Variants in TNFRSF11A observed in about 807,000 individuals in gnomAD.
TNFRSF11A encodes TNF receptor superfamily member 11a, also known as tumor necrosis factor receptor superfamily member 11A.
TNFRSF11A carries 32 observed loss-of-function variants against 55.7 expected under a neutral mutation model. That is an observed-to-expected ratio of 0.57 (90% CI 0.43 to 0.77). The LOEUF is 0.77. Among genes scored for constraint, TNFRSF11A ranks in the 30% least tolerant of loss-of-function variants. The pLI is 0.00. For synonymous variants in TNFRSF11A, 311 were observed against 331.0 expected (o/e 0.94, Z 0.65); for missense variants, 753 against 809.8 (o/e 0.93, Z 0.85).
intron 6 of TNFRSF11A, 123 bp downstream of exon 6, chr18:62,360,172 T>C: frequency 2.7e-6 from 2 of 728,984 alleles, no homozygotes; most frequent in Non-Finnish European, 5.0e-6. Flanking sequence ...ATCCCGTGCA[T>C]GGTCAGCTGA....
At position 62,354,506 on chromosome 18, in the gene TNFRSF11A, C is replaced by T. The variant is rs1302430563; in HGVS notation, c.399C>T (p.Cys133=). The T allele has an allele frequency of 1.2e-6, 2 of 1,602,448 alleles. No homozygotes were observed. Among genetic ancestry groups the T allele is most frequent in the African/African-American group, 1.3e-5 (1 of 75,020 alleles). The change falls in exon 4 of 10, where the codon TGC becomes TGT. Residue 133 remains cysteine, a synonymous_variant. Coordinates refer to ENST00000586569, the MANE Select transcript of TNFRSF11A (RefSeq NM_003839.4). ...DCECCRRNTE[C]APGLGAQHPL... is the part of the protein sequence containing the mutation. The stretch of plus-strand genomic sequence containing the variant: ...AGTGCTGCCGCCGCAACACCGAGTG[C>T]GCGCCGGGCCTGGGCGCCCAGCACC...
intron 1 of TNFRSF11A, among the ~76,000 whole-genome samples, chr18:62,347,470 G>A (rs775286428): frequency 2.1e-4 from 32 of 152,298 alleles, no homozygotes; most frequent in African/African-American, 5.5e-4. Context: ...GAATCATACC[G>A]TTTTGAACCA....
rs201635635 is a variant in TNFRSF11A, at chr18:62,368,997, A to T, written c.1080A>T (p.Leu360Phe). The T allele has an allele frequency of 1.2e-6, 2 of 1,614,240 alleles. No homozygotes were observed. The highest frequency in any genetic ancestry group is 1.3e-5 in the African/African-American group (1 of 75,056). The change falls in exon 9 of 10, where the codon TTA becomes TTT. Residue 360 changes from leucine to phenylalanine, a missense_variant. Physicochemically the swap from Leu to Phe is conservative, Grantham distance 22 (BLOSUM62 0). Coordinates refer to ENST00000586569, the MANE Select transcript of TNFRSF11A (RefSeq NM_003839.4). The stretch of plus-strand genomic sequence containing the variant: ...GGCCCTCCCAGCCCACAGACCAGTT[A>T]CTGTTCCTCACTGAGCCTGGAAGCA... ...MDRPSQPTDQ[L>F]LFLTEPGSKS...
At chr18:62,338,255 C>A (rs941830446) in intron 1 of TNFRSF11A, among the ~76,000 whole-genome samples, 1 of 152,166 alleles carries the variant, frequency 6.6e-6, no homozygotes, top group South Asian at 2.1e-4. Context: ...GCCACCCCTG[C>A]GGAAAACAGT....
chr18:62,368,929 G>C lies in TNFRSF11A; in HGVS notation c.1012G>C (p.Asp338His). Reference protein sequence around the residue: ...SLVSKTEIEEDSFRQMPTEDE... With the variant: ...SLVSKTEIEEHSFRQMPTEDE... Reference sequence around the variant, plus strand: ...GGTCAGCAAGACCGAGATAGAGGAAGACAGCTTCAGACAGATGCCCACAGA... The same window carrying C: ...GGTCAGCAAGACCGAGATAGAGGAACACAGCTTCAGACAGATGCCCACAGA... Residue 338 changes from aspartate to histidine, a missense_variant, in exon 9 of 10, where the codon GAC becomes CAC. Coordinates refer to ENST00000586569, the MANE Select transcript of TNFRSF11A (RefSeq NM_003839.4). 1 of 1,614,252 alleles carries C rather than the reference G, an allele frequency of 6.2e-7. No homozygotes were observed. The highest frequency in any genetic ancestry group is 1.1e-5 in the South Asian group (1 of 91,086).
intron 6 of TNFRSF11A, among the ~76,000 whole-genome samples, chr18:62,361,226 T>C (rs1048052523): frequency 2.0e-5 from 3 of 152,180 alleles, no homozygotes; most frequent in African/African-American, 7.2e-5. Flanking sequence ...GGATGAAAAC[T>C]ACAGAAATAT....
intron 5 of TNFRSF11A, among the ~76,000 whole-genome samples, 196 bp from the exon 6 acceptor site, chr18:62,359,759 C>T (rs1000872705): frequency 2.0e-5 from 3 of 152,194 alleles, no homozygotes; most frequent in Non-Finnish European, 4.4e-5. Flanking sequence ...ACACAGGCAG[C>T]GTTTGCTTTT....
At chr18:62,337,552 C>G (rs1236956554) in intron 1 of TNFRSF11A, among the ~76,000 whole-genome samples, 1 of 152,202 alleles carries the variant, frequency 6.6e-6, no homozygotes, top group Non-Finnish European at 1.5e-5. Flanking sequence ...CATGCTTCCT[C>G]CAAGGGCCTT....
At chr18:62,382,171 C>T (rs1911341069) in intron 9 of TNFRSF11A, among the ~76,000 whole-genome samples, 1 of 128,436 alleles carries the variant, frequency 7.8e-6, no homozygotes, top group Non-Finnish European at 1.5e-5. Context: ...GGTGCAGTGG[C>T]GCGATCTTGA....
In TNFRSF11A at chr18:62,329,405, C is replaced by T. The variant is rs79758334; in HGVS notation, c.75+3978C>T. Among the ~76,000 whole-genome samples, 1,478 of 152,340 alleles carry T rather than the reference C, an allele frequency of 9.7e-3. 20 individuals carry two copies. The highest frequency in any genetic ancestry group is 0.034 in the African/African-American group (1,405 of 41,574). On this transcript the variant is annotated intron_variant, in intron 1 of 9. Transcript: ENST00000586569. ...CTGCTGACTCCAGCTCAGTGCACCC[C>T]AGGACTGGCATGGGTAGGATTCTGC...
At position 62,360,002 on chromosome 18, in the gene TNFRSF11A, C is replaced by T. The variant is rs761418045; in HGVS notation, c.569C>T (p.Ser190Phe). Residue 190 changes from serine to phenylalanine, a missense_variant, in exon 6 of 10, where the codon TCC becomes TTC. This residue lies in a region of TNFRSF11A where 567 missense variants were observed against 596.7 expected (regional missense o/e 0.95). Coordinates refer to ENST00000586569, the MANE Select transcript of TNFRSF11A (RefSeq NM_003839.4). Reference sequence around the variant, plus strand: ...GTAGAACATCATGGGACAGAGAAATCCGATGCGGTTTGCAGTTCTTCTCTG... The same window carrying T: ...GTAGAACATCATGGGACAGAGAAATTCGATGCGGTTTGCAGTTCTTCTCTG... ...KRVEHHGTEK[S>F]DAVCSSSLPA... 2.5e-6 allele frequency: 4 copies of T among 1,613,930 alleles called. No homozygotes were observed. In the Admixed American group the frequency reaches 5.0e-5, roughly 20 times the overall value.
intron 1 of TNFRSF11A, among the ~76,000 whole-genome samples, chr18:62,335,569 G>A (rs564644714): frequency 1.3e-5 from 2 of 152,342 alleles, no homozygotes; most frequent in South Asian, 2.1e-4. Context: ...GGCCTCATGG[G>A]AGGCTCTCCA....
At chr18:62,358,948 A>G (rs996199497) in intron 5 of TNFRSF11A, among the ~76,000 whole-genome samples, 1 of 152,240 alleles carries the variant, frequency 6.6e-6, no homozygotes, top group Non-Finnish European at 1.5e-5. Flanking sequence ...TAATTTTTTA[A>G]TGAAGAATCT....
At chr18:62,374,181 C>CA (rs1378612529) in intron 9 of TNFRSF11A, 1 of 152,152 alleles carries the variant, frequency 6.6e-6, no homozygotes, top group Non-Finnish European at 1.5e-5. Flanking sequence ...TCAAAATATA[C>CA]AAAAAATGTG....
At chr18:62,339,781 G>A (rs1313090301) in intron 1 of TNFRSF11A, among the ~76,000 whole-genome samples, 1 of 152,120 alleles carries the variant, frequency 6.6e-6, no homozygotes. Flanking sequence ...CGAGATAAAG[G>A]CGAGTGACTC....
intron 1 of TNFRSF11A, among the ~76,000 whole-genome samples, chr18:62,343,271 T>A (rs2046338732): frequency 6.6e-6 from 1 of 152,246 alleles, no homozygotes; most frequent in Non-Finnish European, 1.5e-5. Context: ...TTCTTCTAGG[T>A]TACGTTCTTT....
intron 9 of TNFRSF11A, among the ~76,000 whole-genome samples, chr18:62,371,748 T>C (rs1029648179): frequency 6.6e-6 from 1 of 152,200 alleles, no homozygotes; most frequent in African/African-American, 2.4e-5. Context: ...TGGTTTCTGG[T>C]CAAAATAGTA....
intron 9 of TNFRSF11A, among the ~76,000 whole-genome samples, chr18:62,382,580 T>C (rs1285754885): frequency 2.0e-5 from 3 of 152,208 alleles, no homozygotes; most frequent in Non-Finnish European, 4.4e-5. Context: ...CTGGGAACTG[T>C]CTCATTGTCA....
At chr18:62,332,912 G>A (rs976033419) in intron 1 of TNFRSF11A, among the ~76,000 whole-genome samples, 6 of 152,254 alleles carry the variant, frequency 3.9e-5, no homozygotes, top group South Asian at 2.1e-4. Flanking sequence ...TCGTTCCCAC[G>A]GAGCCCCACA....
Sources: allele counts gnomAD v4.1 joint callset (sites outside exome capture counted in the v4.1 genomes callset), GRCh38; gene constraint gnomAD v4.1.1; regional missense constraint gnomAD v4.1.1; transcripts MANE v1.5; gene names NCBI Gene and HGNC (gene_info 2026-07-23, HGNC 2026-07-21).